The following TMEM132B variants were observed in gnomAD, a reference collection of about 807,000 sequenced individuals.
TMEM132B encodes the protein transmembrane protein 132B.
A neutral mutation model predicts 90.8 loss-of-function variants in TMEM132B; 18 were observed. The ratio of observed to expected loss-of-function variants is 0.20; its 90% CI spans 0.14 to 0.29. TMEM132B has a LOEUF of 0.29. Among genes scored for constraint, TMEM132B ranks in the 10% least tolerant of loss-of-function variants. The pLI, the probability that TMEM132B is intolerant of heterozygous loss-of-function variation, is 1.00. For synonymous variants in TMEM132B, 504 were observed against 523.3 expected, an observed-to-expected ratio of 0.96 and a Z score of 0.50; for missense variants, 1,096 against 1,326.8, an observed-to-expected ratio of 0.83 and a Z score of 2.70.
chr12:125,252,154 T>C (rs2136103112), intron 1 of TMEM132B, among the ~76,000 whole-genome samples: 1 of 152,258 alleles, frequency 6.6e-6, no homozygotes, highest in South Asian at 2.1e-4. Flanking sequence ...GGGTGATAAA[T>C]AATGACAACC....
rs146135461 is a variant in TMEM132B, at chr12:125,510,729, C to T, written c.1107-8710C>T. The stretch of plus-strand genomic sequence containing the variant: ...TGGAGCCCTCAGTACCTCATTATTT[C>T]TCTCCCTTCTCTGAGGTAGGCATTA... On this transcript the variant is annotated intron_variant, in intron 3 of 8. Coordinates refer to ENST00000682704, the MANE Select transcript of TMEM132B (RefSeq NM_001366854.1). 3.9e-3 allele frequency among the ~76,000 whole-genome samples: 593 copies of T among 152,280 alleles called. 1 individual carries two copies. The highest frequency in any genetic ancestry group is 6.9e-3 in the Non-Finnish European group (467 of 68,026).
intron 5 of TMEM132B, among the ~76,000 whole-genome samples, chr12:125,619,046 G>A (rs1437375218): frequency 6.6e-6 from 1 of 152,184 alleles, no homozygotes; most frequent in Non-Finnish European, 1.5e-5. Flanking sequence ...AGTGGTAGAG[G>A]CAGTGGGAAG....
intron 1 of TMEM132B, among the ~76,000 whole-genome samples, chr12:125,323,022 A>T (rs769504366): frequency 1.3e-5 from 2 of 152,216 alleles, no homozygotes; most frequent in Non-Finnish European, 2.9e-5. Flanking sequence ...CTTCTCTGAC[A>T]TAAAGAGCTG....
At chr12:125,413,657 T>C (rs1268444537) in intron 2 of TMEM132B, among the ~76,000 whole-genome samples, 3 of 152,266 alleles carry the variant, frequency 2.0e-5, no homozygotes, top group African/African-American at 7.2e-5. Flanking sequence ...GTTCATCACG[T>C]AGCATGTGTC....
intron 1 of TMEM132B, among the ~76,000 whole-genome samples, chr12:125,215,811 G>A (rs184985149): frequency 6.6e-6 from 1 of 152,328 alleles, no homozygotes; most frequent in East Asian, 1.9e-4. Flanking sequence ...CAAAGTGCTG[G>A]TATTACAGGC....
intron 4 of TMEM132B, among the ~76,000 whole-genome samples, chr12:125,520,926 A>G (rs1883291431): frequency 6.6e-6 from 1 of 152,236 alleles, no homozygotes; most frequent in East Asian, 1.9e-4. Context: ...GACGGAGATC[A>G]TTCCTATCAT....
chr12:125,621,231 G>A (rs1886104491), intron 5 of TMEM132B, among the ~76,000 whole-genome samples: 2 of 152,144 alleles, frequency 1.3e-5, no homozygotes, highest in African/African-American at 2.4e-5. Flanking sequence ...TACTATTGGA[G>A]AGACGGGGAA....
intron 5 of TMEM132B, among the ~76,000 whole-genome samples, chr12:125,619,286 C>A (rs1208298181): frequency 3.3e-5 from 5 of 151,970 alleles, no homozygotes; most frequent in African/African-American, 1.2e-4. Flanking sequence ...CTATTCTGGG[C>A]CTTGAAAGTG....
intron 3 of TMEM132B, among the ~76,000 whole-genome samples, chr12:125,511,255 T>C (rs1437993444): frequency 6.6e-6 from 1 of 152,238 alleles, no homozygotes; most frequent in African/African-American, 2.4e-5. Flanking sequence ...CAAAATAATA[T>C]TCTATTGTAT....
chr12:125,226,031 A>C (rs1018716885), intron 1 of TMEM132B, among the ~76,000 whole-genome samples: 1 of 152,220 alleles, frequency 6.6e-6, no homozygotes, highest in Non-Finnish European at 1.5e-5. Flanking sequence ...GGACATTTGC[A>C]CTATTTCTAG....
chr12:125,287,124 ATCTCTC>A, intron 1 of TMEM132B, among the ~76,000 whole-genome samples: 1 of 142,420 alleles, frequency 7.0e-6, no homozygotes, highest in South Asian at 2.2e-4. Flanking sequence ...CTCCCTCTCC[ATCTCTC>A]TCTGTCTCTG....
chr12:125,402,454 G>C (rs565748671), intron 2 of TMEM132B, among the ~76,000 whole-genome samples: 1 of 152,188 alleles, frequency 6.6e-6, no homozygotes, highest in Non-Finnish European at 1.5e-5. Flanking sequence ...TGGGATTACC[G>C]GCATGAATCA....
At chr12:125,236,078 C>T (rs1045359249) in intron 1 of TMEM132B, among the ~76,000 whole-genome samples, 3 of 152,116 alleles carry the variant, frequency 2.0e-5, no homozygotes, top group African/African-American at 7.2e-5. Context: ...GCTGGGATTA[C>T]AGGCATGAGC....
chr12:125,214,874 G>C (rs989175261), intron 1 of TMEM132B, among the ~76,000 whole-genome samples: 6 of 152,214 alleles, frequency 3.9e-5, no homozygotes, highest in Non-Finnish European at 8.8e-5. Context: ...GAGAGGGTTG[G>C]AAAAGAGACT....
Position 125,640,130 on chromosome 12 carries a change from C to T in TMEM132B, c.1438-3946C>T, listed in dbSNP as rs988353989. 2.4e-4 allele frequency among the ~76,000 whole-genome samples: 37 copies of T among 152,166 alleles called. 1 individual carries two copies. On this transcript the variant is annotated intron_variant, in intron 5 of 8. Transcript: ENST00000682704. The stretch of plus-strand genomic sequence containing the variant: ...GGAGGAGGCGCCACTTTCGGTGAGT[C>T]TCTTTGATCAAGGAGATGTTTCCCA...
intron 5 of TMEM132B, among the ~76,000 whole-genome samples, chr12:125,607,643 T>C (rs888878403): frequency 7.9e-5 from 12 of 152,184 alleles, no homozygotes; most frequent in African/African-American, 2.9e-4. Context: ...TCATCAAGAG[T>C]TTGGTTGAGA....
intron 3 of TMEM132B, among the ~76,000 whole-genome samples, chr12:125,420,663 A>G (rs185106595): frequency 6.6e-6 from 1 of 152,282 alleles, no homozygotes; most frequent in African/African-American, 2.4e-5. Flanking sequence ...TCCTCATTAC[A>G]TATGCAAGTT....
At chr12:125,255,143 C>T (rs1874405863) in intron 1 of TMEM132B, among the ~76,000 whole-genome samples, 1 of 152,084 alleles carries the variant, frequency 6.6e-6, no homozygotes, top group South Asian at 2.1e-4. Context: ...CGTGATGTGC[C>T]CTTGCCTTTG....
At chr12:125,304,598 G>A (rs1272831185) in intron 1 of TMEM132B, among the ~76,000 whole-genome samples, 1 of 152,060 alleles carries the variant, frequency 6.6e-6, no homozygotes, top group African/African-American at 2.4e-5. Flanking sequence ...TATGGTATAA[G>A]GTATAAAGGT....
Sources: gnomAD v4.1 joint callset for allele counts (sites outside exome capture counted in the v4.1 genomes callset) on GRCh38, gnomAD v4.1.1 for gene constraint, MANE v1.5 for transcripts, NCBI Gene and HGNC (gene_info 2026-07-23, HGNC 2026-07-21) for gene names.